UST: variants seen among roughly 807,000 people sequenced by gnomAD.
UST encodes uronyl 2-sulfotransferase, also known as chondroitin sulfate 2-O-sulfotransferase.
In UST, 21 loss-of-function variants were observed where a neutral mutation model predicts 45.6. The observed-to-expected ratio is 0.46, with a 90% CI of 0.33 to 0.66. The LOEUF (loss-of-function observed/expected upper bound fraction) is 0.66, where lower values mean the gene tolerates loss of function less well. UST is among the 30% of genes least tolerant of loss of function. UST has a pLI of 0.02. For missense variants in UST, 463 were observed against 512.4 expected (o/e 0.90, Z 0.93); for synonymous variants, 215 against 200.6 (o/e 1.07, Z -0.61).
At chr6:148,953,132 G>A (rs1297732801) in intron 3 of UST, among the ~76,000 whole-genome samples, 1 of 152,182 alleles carries the variant, frequency 6.6e-6, no homozygotes, top group Admixed American at 6.5e-5. Context: ...GCACAAGAAT[G>A]AAGTAGTACC....
intron 5 of UST, among the ~76,000 whole-genome samples, chr6:148,974,748 A>G (rs1049685888): frequency 6.6e-6 from 1 of 152,248 alleles, no homozygotes; most frequent in Non-Finnish European, 1.5e-5. Flanking sequence ...CAGCCGCCTA[A>G]TGGGTAAGGC....
intron 5 of UST, among the ~76,000 whole-genome samples, chr6:148,977,761 A>G (rs1368368432): frequency 6.6e-6 from 1 of 151,248 alleles, no homozygotes; most frequent in Non-Finnish European, 1.5e-5. Flanking sequence ...CAAAAAAAAA[A>G]AAAAAAAAAA....
intron 1 of UST, among the ~76,000 whole-genome samples, chr6:148,776,841 G>A (rs893297166): frequency 5.3e-5 from 8 of 152,116 alleles, no homozygotes; most frequent in Non-Finnish European, 7.4e-5. Flanking sequence ...CTCTGGATCC[G>A]TCATGATGGG....
intron 5 of UST, among the ~76,000 whole-genome samples, chr6:149,002,308 G>A (rs545935172): frequency 1.3e-5 from 2 of 151,902 alleles, no homozygotes; most frequent in South Asian, 2.1e-4. Flanking sequence ...TTTAAAAAAC[G>A]CAATGTAAGG....
At chr6:148,877,881 CGTGTATGAGTTT>C in intron 1 of UST, among the ~76,000 whole-genome samples, 1 of 86,602 alleles carries the variant, frequency 1.2e-5, no homozygotes, top group Non-Finnish European at 2.1e-5. Context: ...GTGTGGGGAT[CGTGTATGAGTTT>C]GGGGGGTCAT....
chr6:149,003,838 C>G (rs1322031727), intron 5 of UST, among the ~76,000 whole-genome samples: 1 of 152,206 alleles, frequency 6.6e-6, no homozygotes, highest in Non-Finnish European at 1.5e-5. Context: ...GCCCAGCACC[C>G]CACCTGTGTG....
chr6:148,896,258 G>T (rs1779127014), intron 2 of UST, among the ~76,000 whole-genome samples: 1 of 152,182 alleles, frequency 6.6e-6, no homozygotes, highest in Non-Finnish European at 1.5e-5. Flanking sequence ...TGAATTTCTT[G>T]TTTCTGTCTC....
intron 7 of UST, among the ~76,000 whole-genome samples, chr6:149,046,367 G>C (rs1048108628): frequency 9.2e-5 from 14 of 152,358 alleles, no homozygotes; most frequent in Non-Finnish European, 1.6e-4. Flanking sequence ...GGAGTTGGCT[G>C]ATCTTTGGGT....
At chr6:148,978,493 TA>T (rs1278692676) in intron 5 of UST, among the ~76,000 whole-genome samples, 12 of 151,908 alleles carry the variant, frequency 7.9e-5, no homozygotes, top group Non-Finnish European at 4.4e-5. Flanking sequence ...TATGCAGCCA[TA>T]AAAAAGAATG....
At chr6:148,930,222 G>A (rs567119278) in intron 2 of UST, among the ~76,000 whole-genome samples, 7 of 152,304 alleles carry the variant, frequency 4.6e-5, no homozygotes, top group Non-Finnish European at 7.3e-5. Context: ...CAGTGTCAGC[G>A]TTCAATTCCC....
At chr6:149,073,803 G>C in intron 7 of UST, 30 bp from the exon 8 acceptor site, 1 of 1,602,018 alleles carries the variant, frequency 6.2e-7, no homozygotes, top group East Asian at 2.2e-5. Context: ...TGCAAATGAT[G>C]GCTCATGTGC....
At chr6:148,805,779 G>A (rs1314445398) in intron 1 of UST, among the ~76,000 whole-genome samples, 2 of 152,298 alleles carry the variant, frequency 1.3e-5, no homozygotes, top group South Asian at 4.2e-4. Flanking sequence ...GTCTTGAAAA[G>A]TGGTGAATGA....
intron 1 of UST, among the ~76,000 whole-genome samples, chr6:148,826,155 C>T (rs1279740158): frequency 6.6e-6 from 1 of 152,220 alleles, no homozygotes; most frequent in Admixed American, 6.5e-5. Flanking sequence ...ACTCTGTCAC[C>T]CAGGCTGGAG....
chr6:148,805,207 T>G (rs1339423891), intron 1 of UST, among the ~76,000 whole-genome samples: 1 of 152,258 alleles, frequency 6.6e-6, no homozygotes, highest in Non-Finnish European at 1.5e-5. Flanking sequence ...AAGGATATTC[T>G]TCAGTATCCC....
intron 2 of UST, among the ~76,000 whole-genome samples, chr6:148,925,748 C>T (rs2114903152): frequency 6.6e-6 from 1 of 152,350 alleles, no homozygotes; most frequent in Non-Finnish European, 1.5e-5. Flanking sequence ...GAGCAACTCT[C>T]ACAACTAGGT....
At position 148,941,262 on chromosome 6, in the gene UST, C is replaced by G; in HGVS notation, c.292-17C>G. The G allele has an allele frequency of 1.2e-6, 2 of 1,612,648 alleles. No homozygotes were observed. Among genetic ancestry groups the G allele is most frequent in the Non-Finnish European group, 1.7e-6 (2 of 1,179,574 alleles). On this transcript the variant is annotated splice_polypyrimidine_tract_variant and intron_variant, in intron 2 of 7. Transcript: ENST00000367463. ...CATACAGACGTTTCATGTTTGTTCTCTTGGTTTTTTTCCCAGGTACTACCT... is the reference window on the plus strand; with the variant it reads ...CATACAGACGTTTCATGTTTGTTCTGTTGGTTTTTTTCCCAGGTACTACCT...
At chr6:148,866,111 C>T (rs1211290547) in intron 1 of UST, among the ~76,000 whole-genome samples, 3 of 141,778 alleles carry the variant, frequency 2.1e-5, no homozygotes, top group African/African-American at 8.0e-5. Context: ...CTGCTTTTTT[C>T]CATGACAATA....
intron 1 of UST, among the ~76,000 whole-genome samples, chr6:148,802,867 G>A (rs1480862519): frequency 2.0e-5 from 3 of 152,098 alleles, no homozygotes; most frequent in Non-Finnish European, 4.4e-5. Flanking sequence ...AGGCTATTTT[G>A]GTCCCCTTGC....
chr6:149,005,366 G>A (rs914807716), intron 5 of UST: 3 of 985,342 alleles, frequency 3.0e-6, no homozygotes, highest in Non-Finnish European at 3.6e-6. Flanking sequence ...GACTCCAGAA[G>A]CTGGAGAAGA....
Sources: allele counts gnomAD v4.1 joint callset (sites outside exome capture counted in the v4.1 genomes callset), GRCh38; gene constraint gnomAD v4.1.1; transcripts MANE v1.5; gene names NCBI Gene and HGNC (gene_info 2026-07-23, HGNC 2026-07-21).